The following CACNA1F variants were observed in gnomAD, a reference collection of about 807,000 sequenced individuals.
CACNA1F encodes the protein calcium voltage-gated channel subunit alpha1 F, also known as voltage-dependent L-type calcium channel subunit alpha-1F.
Under a neutral mutation model 143.8 loss-of-function variants are expected in CACNA1F, and 59 were observed. The ratio of observed to expected loss-of-function variants is 0.41; its 90% confidence interval spans 0.33 to 0.51. The LOEUF is 0.51. Ranked by LOEUF, CACNA1F falls within the 20% of genes least tolerant of loss-of-function variation. The probability of loss-of-function intolerance (pLI) is 0.22; values close to 1 mark genes in which losing one functional copy is unlikely to be tolerated. For synonymous variants in CACNA1F, 643 were observed against 649.1 expected, an observed-to-expected ratio of 0.99 and a Z score of 0.14; for missense variants, 1,411 against 1,647.5, an observed-to-expected ratio of 0.86 and a Z score of 2.48.
At chrX:49,227,976 G>T in intron 8 of CACNA1F, 60 bp downstream of exon 8, 1 of 802,189 alleles carries the variant, frequency 1.2e-6, no homozygotes. Context: ...GAGTTTGCCA[G>T]GCACAAAGAA....
At chrX:49,211,613 A>G (rs1362799418) in intron 35 of CACNA1F, 132 bp from the exon 36 acceptor site, 1 of 572,661 alleles carries the variant, frequency 1.7e-6, no homozygotes, top group Non-Finnish European at 3.0e-6. Flanking sequence ...CACAGATAAC[A>G]TTTCAATATT....
intron 33 of CACNA1F, 102 bp from the exon 34 acceptor site, chrX:49,212,410 A>G (rs377518622): frequency 1.7e-5 from 12 of 704,751 alleles, no homozygotes; most frequent in East Asian, 6.7e-5. Context: ...GCCTACTGGG[A>G]GATGCAGTCC....
At position 49,214,147 on chromosome X, in the gene CACNA1F, AAGG is replaced by A; in HGVS notation, c.3708+9_3708+11del. 1 of 1,093,371 alleles carries A rather than the reference AAGG, an allele frequency of 9.1e-7. No individual in the cohort carries two copies. The highest frequency in any genetic ancestry group is 1.3e-6 in the Non-Finnish European group (1 of 787,641). 90.1% of individuals were successfully genotyped at this position (1,093,371 alleles called of 1,213,427 possible). On this transcript the variant is annotated intron_variant, in intron 30 of 47. Coordinates refer to ENST00000323022, the MANE Select transcript of CACNA1F (RefSeq NM_001256789.3). ...CATCCACTGGTGGGTGGGGCTAGAG[AAGG>A]GGGGCCACCTTGGGCTTGAAGGCGA...
chrX:49,209,693 C>T lies in CACNA1F; in HGVS notation c.4757G>A (p.Arg1586Gln), dbSNP rs782146463. The change falls in exon 41 of 48, where the codon CGG becomes CAG. Residue 1586 changes from arginine (R) to glutamine (Q), a missense_variant. This residue lies in a region of CACNA1F where 349 missense variants were observed against 350.2 expected (regional missense o/e 1.00). Transcript: ENST00000323022. The part of the protein sequence containing the change: ...FLIQDYFRKF[R>Q]RRKEKGLLGN... ...TAGTAGCCCTTTTTCTTTCCTCCGC[C>T]GGAATTTGCGGAAATAGTCCTGGAT... 1.2e-5 allele frequency: 15 copies of T among 1,209,338 alleles called. No homozygotes were observed. In the African/African-American group the frequency reaches 1.6e-4, roughly 13 times the overall value.
intron 39 of CACNA1F, 75 bp from the exon 40 acceptor site, chrX:49,210,117 G>T: frequency 1.3e-6 from 1 of 796,044 alleles, no homozygotes; most frequent in Non-Finnish European, 1.9e-6. Flanking sequence ...GTTGGGTGGG[G>T]GGAACTTCAC....
intron 24 of CACNA1F, among the ~76,000 whole-genome samples, 166 bp downstream of exon 24, chrX:49,218,289 G>C (rs1173975257): frequency 1.8e-5 from 2 of 112,064 alleles, no homozygotes; most frequent in African/African-American, 6.5e-5. Context: ...TCACTTGGAA[G>C]GAACATGGGT....
At chrX:49,224,580 C>T (rs947048600) in intron 14 of CACNA1F, among the ~76,000 whole-genome samples, 181 bp downstream of exon 14, 1 of 111,482 alleles carries the variant, frequency 9.0e-6, no homozygotes. Context: ...AAGACAGGAA[C>T]TTGTGTCTGC....
At chrX:49,227,925 G>A in intron 8 of CACNA1F, 111 bp downstream of exon 8, 1 of 555,786 alleles carries the variant, frequency 1.8e-6, no homozygotes, top group East Asian at 3.6e-5. Context: ...GCTCATGATT[G>A]AATGAAGGAG....
chrX:49,230,010 C>G (rs2065861802), intron 6 of CACNA1F, among the ~76,000 whole-genome samples: 1 of 111,352 alleles, frequency 9.0e-6, no homozygotes, highest in African/African-American at 3.3e-5. Flanking sequence ...GGTACAGTCT[C>G]GTGATGGGGC....
chrX:49,207,148 C>T (rs1557105142), intron 43 of CACNA1F, 36 bp from the exon 44 acceptor site: 2 of 851,277 alleles, frequency 2.3e-6, no homozygotes, highest in Non-Finnish European at 1.7e-6. Flanking sequence ...AGACCAGATC[C>T]CTCAATATGT....
Position 49,231,265 on chromosome X carries a change from G to A in CACNA1F, c.318C>T (p.Cys106=), listed in dbSNP as rs1162515307. The A allele has an allele frequency of 1.7e-6, 2 of 1,164,643 alleles. No individual in the cohort carries two copies. The highest frequency in any genetic ancestry group is 2.3e-6 in the Non-Finnish European group (2 of 871,366). The change falls in exon 3 of 48, where the codon TGC becomes TGT. Residue 106 remains cysteine (C), a synonymous_variant. Transcript: ENST00000323022. ...AGGGGATGTAAACTCCCAGGGCCAC[G>A]CAGTTGGCAAAGATGGTCAGCAGGA... ...ILILLTIFAN[C]VALGVYIPFP... is the part of the protein sequence containing the mutation.
rs150417702 is a variant in CACNA1F, at chrX:49,224,828, C to T, written c.1810G>A (p.Ala604Thr). The change falls in exon 14 of 48, where the codon GCC becomes ACC. Residue 604 changes from alanine to threonine, a missense_variant. Physicochemically the swap from Ala to Thr is moderately conservative, Grantham distance 58 (BLOSUM62 0). Coordinates refer to ENST00000323022, the MANE Select transcript of CACNA1F (RefSeq NM_001256789.3). ...ILETTLVEVG[A>T]MQPLGISVLR... ...ACTGAGATGCCCAAGGGCTGCATGG[C>T]ACCCACCTCCACCAAGGTGGTCTCT... is the stretch of plus-strand genomic sequence containing the variant. The T allele has an allele frequency of 1.4e-5, 17 of 1,194,869 alleles. No individual in the cohort carries two copies. The highest frequency in any genetic ancestry group is 1.2e-4 in the African/African-American group (7 of 56,605).
intron 44 of CACNA1F, 69 bp downstream of exon 44, chrX:49,206,936 C>T: frequency 8.9e-7 from 1 of 1,129,034 alleles, no homozygotes; most frequent in East Asian, 3.0e-5. Context: ...AACAGTCCTC[C>T]CCGACCCAGT....
intron 26 of CACNA1F, among the ~76,000 whole-genome samples, chrX:49,217,552 G>C (rs1256158560): frequency 1.8e-5 from 2 of 110,474 alleles, no homozygotes; most frequent in African/African-American, 3.3e-5. Context: ...GGTCTGGAGT[G>C]GAATGTAGGT....
Position 49,219,782 on chromosome X carries a change from C to T in CACNA1F, c.2395G>A (p.Glu799Lys). Residue 799 changes from glutamate to lysine, a missense_variant, in exon 20 of 48, where the codon GAG becomes AAG. Physicochemically the swap from Glu to Lys is moderately conservative, Grantham distance 56 (BLOSUM62 1). This residue lies in a region of CACNA1F where 950 missense variants were observed against 1,128.1 expected (regional missense o/e 0.84). Coordinates refer to ENST00000323022, the MANE Select transcript of CACNA1F (RefSeq NM_001256789.3). ...GARREGADME[E>K]EEEEEEEEEE... is the part of the protein sequence containing the mutation. ...TCCTCTTCTTCCTCCTCCTCCTCCT[C>T]CTCCATGTCTGGCACCAGAGAAAAG... 5.5e-6 allele frequency: 6 copies of T among 1,094,594 alleles called. No homozygotes were observed. Among genetic ancestry groups the T allele is most frequent in the African/African-American group, 1.8e-5 (1 of 54,640 alleles). The allele number at this position is 1,094,594 out of a possible 1,213,427, so 90.2% of individuals were successfully genotyped here. A position where few individuals can be genotyped will look rare whatever the true frequency, so the allele number is the denominator to read the frequency against.
chrX:49,219,684 C>T lies in CACNA1F; in HGVS notation c.2493G>A (p.Val831=), dbSNP rs782431969. The change falls in exon 20 of 48, where the codon GTG becomes GTA. Residue 831 remains valine, a synonymous_variant. Coordinates refer to ENST00000323022, the MANE Select transcript of CACNA1F (RefSeq NM_001256789.3). ...AGGCGCTGCCCTCAGGGATGGGTAC[C>T]ACCTTCTCCTTGGGTACAACTTCCT... ...LLQEVVPKEK[V]VPIPEGSAFF... 3.3e-6 allele frequency: 4 copies of T among 1,202,386 alleles called. No individual in the cohort carries two copies. The East Asian group carries it at 1.2e-4, about 36-fold the overall frequency.
chrX:49,221,645 G>A (rs998325842), intron 17 of CACNA1F, among the ~76,000 whole-genome samples: 1 of 107,014 alleles, frequency 9.3e-6, no homozygotes, highest in South Asian at 4.4e-4. Flanking sequence ...GATTACAGGC[G>A]TGAGCCACTG....
chrX:49,226,433 GC>G lies in CACNA1F; in HGVS notation c.1438del (p.Ala480LeufsTer9). On this transcript the variant is annotated frameshift_variant, in exon 11 of 48. Transcript: ENST00000323022. LOFTEE classifies it high-confidence loss of function. Reference protein sequence around the residue: ...TQGDEDEEEGALASCTRCLNK... With the variant: ...TQGDEDEEEGXLASCTRCLNK... ...CAGGCAGCGTGTACAGCTGGCCAGA[GC>G]CCCCTCCTCCTCATCCTCATCGCCT... is the stretch of plus-strand genomic sequence containing the variant. The G allele has an allele frequency of 8.4e-7, 1 of 1,187,800 alleles. No homozygotes were observed.
intron 43 of CACNA1F, 104 bp downstream of exon 43, chrX:49,208,411 G>GGCCCCCCCCC: frequency 1.2e-5 from 5 of 414,465 alleles, no homozygotes; most frequent in East Asian, 4.6e-5. Flanking sequence ...AGGCCTCTAG[G>GGCCCCCCCCC]CCCTCCCTCC....
Sources: allele counts gnomAD v4.1 joint callset (sites outside exome capture counted in the v4.1 genomes callset), GRCh38; gene constraint gnomAD v4.1.1; regional missense constraint gnomAD v4.1.1; transcripts MANE v1.5; gene names NCBI Gene and HGNC (gene_info 2026-07-23, HGNC 2026-07-21).